FN1: variants seen among roughly 807,000 people sequenced by gnomAD.
FN1 encodes the protein fibronectin 1, also known as fibronectin.
Under a neutral mutation model 297.3 loss-of-function variants are expected in FN1, and 106 were observed. The observed-to-expected ratio is 0.36, with a 90% CI of 0.30 to 0.42. FN1 has a LOEUF of 0.42. Ranked by LOEUF, FN1 falls within the 10% of genes least tolerant of loss-of-function variation. FN1 has a pLI of 1.00. For synonymous variants in FN1, 1,149 were observed against 1,152.6 expected (o/e 1.00, Z 0.06); for missense variants, 2,690 against 3,124.9 (o/e 0.86, Z 3.32).
chr2:215,385,099 G>A (rs1393907789), intron 28 of FN1, 123 bp from the exon 29 acceptor site: 5 of 717,528 alleles, frequency 7.0e-6, no homozygotes, highest in Non-Finnish European at 1.3e-5. Context: ...AATACTACGT[G>A]TAATTAGCAG....
At chr2:215,430,997 A>C (rs540181384) in intron 4 of FN1, 145 bp from the exon 5 acceptor site, 1 of 801,720 alleles carries the variant, frequency 1.2e-6, no homozygotes, top group Non-Finnish European at 2.1e-6. Context: ...TGACACACCC[A>C]GCATCTAAGC....
At chr2:215,406,122 G>T in intron 19 of FN1, 116 bp downstream of exon 19, 1 of 1,075,306 alleles carries the variant, frequency 9.3e-7, no homozygotes, top group Non-Finnish European at 1.4e-6. Context: ...TGCCGGCTGG[G>T]TATTTCCCTC....
chr2:215,426,294 A>G (rs964826383), intron 6 of FN1, among the ~76,000 whole-genome samples: 14 of 149,362 alleles, frequency 9.4e-5, no homozygotes, highest in South Asian at 6.5e-4. Flanking sequence ...GACTACAGGC[A>G]CCCGCCACCA....
At chr2:215,382,799 C>G (rs2058391606) in intron 31 of FN1, among the ~76,000 whole-genome samples, 1 of 152,070 alleles carries the variant, frequency 6.6e-6, no homozygotes, top group African/African-American at 2.4e-5. Context: ...TAGAACTATC[C>G]ATGTAAAAAC....
Position 215,391,726 on chromosome 2 carries a change from T to G in FN1, c.4158A>C (p.Leu1386Phe). 3 of 1,614,184 alleles carry G rather than the reference T, an allele frequency of 1.9e-6. No homozygotes were observed. Among genetic ancestry groups the G allele is most frequent in the Non-Finnish European group, 2.5e-6 (3 of 1,180,024 alleles). The change falls in exon 26 of 46, where the codon TTA (leucine) becomes TTC (phenylalanine). Residue 1386 changes from leucine to phenylalanine, a missense_variant. Coordinates refer to ENST00000354785, the MANE Select transcript of FN1 (RefSeq NM_212482.4). ...VTWAPPPSID[L>F]TNFLVRYSPV... ...GTGAGTAACGCACCAGGAAGTTGGT[T>G]AAATCAATGGATGGGGGTGGAGCCC...
At chr2:215,428,103 C>T (rs1219809941) in intron 6 of FN1, 77 bp downstream of exon 6, 16 of 1,541,866 alleles carry the variant, frequency 1.0e-5, no homozygotes, top group South Asian at 1.1e-5. Context: ...AATGGCATGT[C>T]AAAGGAAAGA....
intron 14 of FN1, 39 bp from the exon 15 acceptor site, chr2:215,409,778 A>G (rs758352578): frequency 1.2e-6 from 2 of 1,611,686 alleles, no homozygotes; most frequent in African/African-American, 2.7e-5. Flanking sequence ...GCCTTCAGTC[A>G]TCTAGAAAAT....
At chr2:215,368,162 TG>T (rs1210086894) in intron 41 of FN1, 135 bp from the exon 42 acceptor site, 1 of 977,954 alleles carries the variant, frequency 1.0e-6, no homozygotes, top group Non-Finnish European at 1.6e-6. Context: ...GGCATTCATC[TG>T]TTCTATCAAG....
chr2:215,376,265 T>G (rs1456318131), intron 36 of FN1, among the ~76,000 whole-genome samples: 1 of 152,218 alleles, frequency 6.6e-6, no homozygotes, highest in Admixed American at 6.5e-5. Context: ...TGATGGAAGA[T>G]CAAACTTGTT....
At position 215,423,694 on chromosome 2, in the gene FN1, A is replaced by G. The variant is rs148177335; in HGVS notation, c.1217-168T>C. On this transcript the variant is annotated intron_variant, in intron 8 of 45. Transcript: ENST00000354785. ...TAGTTCTAAGCTTCTTAGCATATTT[A>G]CCTTCACACCTTCAAAACAGGTTTA... 4.8e-3 allele frequency among the ~76,000 whole-genome samples: 738 copies of G among 152,306 alleles called. 6 individuals are homozygous for G. The highest frequency in any genetic ancestry group is 0.031 in the Middle Eastern group (9 of 294).
At chr2:215,387,904 A>T (rs768913958) in intron 27 of FN1, among the ~76,000 whole-genome samples, 3 of 152,246 alleles carry the variant, frequency 2.0e-5, no homozygotes, top group Non-Finnish European at 4.4e-5. Flanking sequence ...TGGGTCAGCC[A>T]TTAGACAGAG....
At chr2:215,383,920 G>A in intron 30 of FN1, 100 bp downstream of exon 30, 1 of 1,386,676 alleles carries the variant, frequency 7.2e-7, no homozygotes, top group Non-Finnish European at 1.0e-6. Context: ...CATTAAAAAG[G>A]AAAATCTATT....
Position 215,383,840 on chromosome 2 carries a change from C to T in FN1, c.4894+180G>A, listed in dbSNP as rs56357135. ...GACAAAACTGACTGAACTTCCTGCC[C>T]TTGGGGTGCTTCCTTCTTTATCTGG... On this transcript the variant is annotated intron_variant, in intron 30 of 45. Transcript: ENST00000354785. 0.045 allele frequency among the ~76,000 whole-genome samples: 6,922 copies of T among 152,292 alleles called. 511 individuals are homozygous for T. The highest frequency in any genetic ancestry group is 0.15 in the African/African-American group (6,418 of 41,546).
chr2:215,380,959 A>C lies in FN1; in HGVS notation c.5286T>G (p.Asp1762Glu), dbSNP rs1401585887. 1.4e-5 allele frequency: 22 copies of C among 1,614,090 alleles called. No individual in the cohort carries two copies. Among genetic ancestry groups the C allele is most frequent in the Non-Finnish European group, 1.5e-5 (18 of 1,180,034 alleles). Residue 1762 changes from aspartate to glutamate, a missense_variant, in exon 33 of 46, where the codon GAT (aspartate) becomes GAG (glutamate). Transcript: ENST00000354785. ...GTGCAGGGAATAGCTCATGGATTCC[A>C]TCCTCAGGGCTCGAGTAGGTCACCC... ...RYRVTYSSPE[D>E]GIHELFPAPD...
intron 1 of FN1, 89 bp from the exon 2 acceptor site, chr2:215,434,913 AT>A (rs1160283709): frequency 5.0e-6 from 7 of 1,413,116 alleles, no homozygotes; most frequent in African/African-American, 2.8e-5. Flanking sequence ...TGACGTACAT[AT>A]TTTTTTCCTT....
Position 215,364,876 on chromosome 2 carries a change from T to C in FN1, c.7251+3A>G. 1 of 1,549,614 alleles carries C rather than the reference T, an allele frequency of 6.5e-7. No individual in the cohort carries two copies. Among genetic ancestry groups the C allele is most frequent in the Non-Finnish European group, 8.7e-7 (1 of 1,145,034 alleles). On this transcript the variant is annotated splice_donor_region_variant and intron_variant, in intron 44 of 45. Transcript: ENST00000354785. ...GTAGGGAGCCTGGCACATCCAGTCTTACCCGCTGGCCTCCAAAGCATGTGC... is the reference window on the plus strand; with the variant it reads ...GTAGGGAGCCTGGCACATCCAGTCTCACCCGCTGGCCTCCAAAGCATGTGC...
At chr2:215,374,737 CTT>C (rs1350936338) in intron 38 of FN1, among the ~76,000 whole-genome samples, 4 of 152,220 alleles carry the variant, frequency 2.6e-5, no homozygotes. Context: ...GTAGACAACT[CTT>C]ATTCCCCATT....
chr2:215,386,983 A>G, intron 27 of FN1, 25 bp from the exon 28 acceptor site: 2 of 1,594,630 alleles, frequency 1.3e-6, no homozygotes, highest in Non-Finnish European at 1.7e-6. Context: ...CGGGGGAGGA[A>G]GAGAAAAAAA....
chr2:215,433,367 G>A lies in FN1; in HGVS notation c.372C>T (p.Thr124=). Residue 124 remains threonine, a synonymous_variant, in exon 3 of 46, where the codon ACC becomes ACT. Transcript: ENST00000354785. ...TTCTCCCTCGCCCAGCCCCGATGCAGGTACAGTCCCAGATCATGGAGTCTT... is the reference window on the plus strand; with the variant it reads ...TTCTCCCTCGCCCAGCCCCGATGCAAGTACAGTCCCAGATCATGGAGTCTT... The part of the protein sequence containing the change: ...RPKDSMIWDC[T]CIGAGRGRIS... 6.2e-7 allele frequency: 1 copy of A among 1,614,152 alleles called. No homozygotes were observed. The highest frequency in any genetic ancestry group is 1.1e-5 in the South Asian group (1 of 91,076).
Sources: gnomAD v4.1 joint callset for allele counts (sites outside exome capture counted in the v4.1 genomes callset) on GRCh38, gnomAD v4.1.1 for gene constraint, MANE v1.5 for transcripts, NCBI Gene and HGNC (gene_info 2026-07-23, HGNC 2026-07-21) for gene names.